Variants in FER observed in about 807,000 individuals in gnomAD.
The protein encoded by FER is tyrosine-protein kinase Fer.
FER carries 63 observed loss-of-function variants against 111.0 expected under a neutral mutation model. The ratio of observed to expected loss-of-function variants is 0.57; its 90% CI spans 0.46 to 0.70. FER has a LOEUF of 0.70. FER is among the 30% of genes least tolerant of loss of function. FER has a pLI of 0.00. For synonymous variants in FER, 327 were observed against 313.9 expected (o/e 1.04, Z -0.44); for missense variants, 914 against 954.0 (o/e 0.96, Z 0.55).
At chr5:109,157,886 A>G (rs1758539569) in intron 17 of FER, among the ~76,000 whole-genome samples, 1 of 152,116 alleles carries the variant, frequency 6.6e-6, no homozygotes, top group African/African-American at 2.4e-5. Flanking sequence ...CGAAGCTGAC[A>G]TTTGAGACAG....
chr5:109,044,752 G>T lies in FER; in HGVS notation c.1786G>T (p.Asp596Tyr). The change falls in exon 15 of 20, where the codon GAT (aspartate) becomes TAT (tyrosine). Residue 596 changes from aspartate (D) to tyrosine (Y), a missense_variant. Asp to Tyr is a radical substitution (Grantham distance 160, BLOSUM62 -3). Transcript: ENST00000281092. ...TGTTGCTGTTAAAACATGTAAAGAA[G>T]ATCTTCCTCAGGAATTGAAAATAAA... Reference protein sequence around the residue: ...TSVAVKTCKEDLPQELKIKFL... With the variant: ...TSVAVKTCKEYLPQELKIKFL... The T allele has an allele frequency of 6.3e-7, 1 of 1,588,892 alleles. No individual in the cohort carries two copies. The highest frequency in any genetic ancestry group is 8.6e-7 in the Non-Finnish European group (1 of 1,169,504).
intron 13 of FER, among the ~76,000 whole-genome samples, chr5:108,993,133 G>T (rs996788622): frequency 3.9e-4 from 60 of 152,152 alleles, no homozygotes; most frequent in African/African-American, 1.3e-3. Context: ...TTCCCAGACG[G>T]GGTGGCGGCC....
intron 16 of FER, among the ~76,000 whole-genome samples, chr5:109,050,286 A>T (rs1772598739): frequency 6.6e-6 from 1 of 152,258 alleles, no homozygotes; most frequent in Non-Finnish European, 1.5e-5. Context: ...GGAGAAAAAA[A>T]AAAGTGTGTT....
intron 9 of FER, among the ~76,000 whole-genome samples, chr5:108,892,455 T>C (rs1457849586): frequency 6.6e-6 from 1 of 152,238 alleles, no homozygotes; most frequent in Non-Finnish European, 1.5e-5. Context: ...TTTGGCTGCA[T>C]AAATGTCTTC....
intron 16 of FER, among the ~76,000 whole-genome samples, chr5:109,072,450 G>A (rs181622920): frequency 9.5e-4 from 144 of 151,648 alleles, no homozygotes; most frequent in African/African-American, 3.2e-3. Context: ...CTCTGGGTTT[G>A]TTCCCAGGAC....
intron 9 of FER, among the ~76,000 whole-genome samples, chr5:108,888,765 A>G (rs1466596015): frequency 3.3e-5 from 5 of 151,890 alleles, no homozygotes; most frequent in African/African-American, 1.2e-4. Context: ...ACATGTTCAT[A>G]TATGAGAGAT....
intron 5 of FER, among the ~76,000 whole-genome samples, chr5:108,845,045 TATATATATATATATATATATATAC>T (rs1761859908): frequency 1.6e-3 from 63 of 39,112 alleles, no homozygotes; most frequent in African/African-American, 5.4e-3. Context: ...TATATACATA[TATATATATATATATATATATATAC>T]ACACACACAC....
intron 16 of FER, among the ~76,000 whole-genome samples, chr5:109,064,304 C>T (rs562446658): frequency 6.6e-6 from 1 of 152,162 alleles, no homozygotes; most frequent in Admixed American, 6.5e-5. Context: ...TAGATATACT[C>T]TCTTAGTAGG....
chr5:108,795,508 A>G (rs557339382), intron 2 of FER, among the ~76,000 whole-genome samples: 175 of 148,928 alleles, frequency 1.2e-3, no homozygotes, highest in African/African-American at 4.2e-3. Flanking sequence ...TTTTGAGGCT[A>G]TTTTCTAGTT....
rs1440463167 is a variant in FER, at chr5:109,052,007, A to G, written c.1924+4809A>G. On this transcript the variant is annotated intron_variant, in intron 16 of 19. Transcript: ENST00000281092. The stretch of plus-strand genomic sequence containing the variant: ...ATACTGATGATGTAGGTTCGCAGCA[A>G]CCCCCCTTGCATTTTCACCTTACCA... 1.9e-6 allele frequency: 3 copies of G among 1,586,534 alleles called. No homozygotes were observed. The African/African-American group carries it at 4.0e-5, about 21-fold the overall frequency.
intron 17 of FER, among the ~76,000 whole-genome samples, chr5:109,147,400 C>A (rs956928664): frequency 1.3e-5 from 2 of 151,728 alleles, no homozygotes; most frequent in Non-Finnish European, 2.9e-5. Context: ...TGCAAATTTG[C>A]CTTTACTTTA....
chr5:109,090,545 A>G (rs1276087929), intron 16 of FER, among the ~76,000 whole-genome samples: 3 of 152,190 alleles, frequency 2.0e-5, no homozygotes, highest in Non-Finnish European at 4.4e-5. Flanking sequence ...ATAATTCAAT[A>G]TAAAGTTCAG....
chr5:108,804,400 G>C (rs1195716574), intron 3 of FER, among the ~76,000 whole-genome samples: 1 of 152,118 alleles, frequency 6.6e-6, no homozygotes, highest in African/African-American at 2.4e-5. Flanking sequence ...GTGCATCCTT[G>C]TCTTGTTCCA....
chr5:109,155,425 A>G (rs1301568466), intron 17 of FER, among the ~76,000 whole-genome samples: 3 of 151,986 alleles, frequency 2.0e-5, no homozygotes, highest in Non-Finnish European at 4.4e-5. Context: ...TTAACAAGAG[A>G]TAGGGCAAAT....
At chr5:108,886,351 C>T (rs545877161) in intron 9 of FER, among the ~76,000 whole-genome samples, 1 of 150,290 alleles carries the variant, frequency 6.7e-6, no homozygotes, top group Admixed American at 6.7e-5. Flanking sequence ...AGTAACATTT[C>T]TTGAGTTTTT....
At chr5:109,168,517 T>C (rs1756781618) in intron 17 of FER, among the ~76,000 whole-genome samples, 2 of 152,208 alleles carry the variant, frequency 1.3e-5, no homozygotes, top group South Asian at 4.1e-4. Flanking sequence ...GGACAGTGTT[T>C]CCAGAGCTTC....
At chr5:109,168,250 A>G (rs1295202014) in intron 17 of FER, among the ~76,000 whole-genome samples, 2 of 152,162 alleles carry the variant, frequency 1.3e-5, no homozygotes, top group Non-Finnish European at 2.9e-5. Flanking sequence ...ATTGTGAAAT[A>G]TATATTGGTC....
At chr5:108,952,729 A>T (rs920603132) in intron 11 of FER, among the ~76,000 whole-genome samples, 2 of 152,086 alleles carry the variant, frequency 1.3e-5, no homozygotes, top group African/African-American at 4.8e-5. Flanking sequence ...ATTCTTCGTC[A>T]TATGTTTAAA....
intron 16 of FER, among the ~76,000 whole-genome samples, chr5:109,093,717 C>T (rs1488957440): frequency 6.6e-6 from 1 of 152,084 alleles, no homozygotes; most frequent in Non-Finnish European, 1.5e-5. Context: ...TCTCACATCT[C>T]TTTTAAAAAT....
Sources: allele counts gnomAD v4.1 joint callset (sites outside exome capture counted in the v4.1 genomes callset), GRCh38; gene constraint gnomAD v4.1.1; transcripts MANE v1.5; gene names NCBI Gene and HGNC (gene_info 2026-07-23, HGNC 2026-07-21).